The following LIN7A variants were observed in gnomAD, a reference collection of about 807,000 sequenced individuals.
The protein encoded by LIN7A is protein lin-7 homolog A.
A neutral mutation model predicts 29.8 loss-of-function variants in LIN7A; 25 were observed. That is an observed-to-expected ratio of 0.84 (90% confidence interval 0.61 to 1.17). The LOEUF is 1.17. LIN7A is among the 50% of genes most tolerant of loss of function. The pLI is 0.00. For missense variants in LIN7A, 239 were observed against 287.0 expected (o/e 0.83, Z 1.21); for synonymous variants, 118 against 107.5 (o/e 1.10, Z -0.60).
chr12:80,797,883 C>T (rs962979910), intron 5 of LIN7A, among the ~76,000 whole-genome samples, 157 bp from the exon 6 acceptor site: 3 of 152,154 alleles, frequency 2.0e-5, no homozygotes, highest in Admixed American at 1.3e-4. Context: ...TGAAAAAATT[C>T]GTTTGATGTT....
At chr12:80,846,467 C>A (rs970983294) in intron 3 of LIN7A, among the ~76,000 whole-genome samples, 2 of 151,828 alleles carry the variant, frequency 1.3e-5, no homozygotes, top group African/African-American at 4.8e-5. Context: ...TTGCTATTGC[C>A]AACCCAAAAG....
intron 2 of LIN7A, among the ~76,000 whole-genome samples, chr12:80,853,697 A>AT (rs1329972864): frequency 1.9e-4 from 28 of 151,036 alleles, no homozygotes; most frequent in Admixed American, 2.6e-4. Flanking sequence ...GAGAACTAGA[A>AT]TTTTTTTTTC....
intron 2 of LIN7A, among the ~76,000 whole-genome samples, chr12:80,873,204 G>A (rs1874508242): frequency 6.6e-6 from 1 of 152,110 alleles, no homozygotes; most frequent in Non-Finnish European, 1.5e-5. Context: ...GTTCCAGAAA[G>A]GCTAATCCCC....
In LIN7A at chr12:80,836,069, T is replaced by C. The variant is rs189193665; in HGVS notation, c.483+9661A>G. 2.3e-3 allele frequency among the ~76,000 whole-genome samples: 356 copies of C among 152,344 alleles called. 2 individuals are homozygous for C. Among genetic ancestry groups the C allele is most frequent in the African/African-American group, 8.3e-3 (345 of 41,566 alleles). ...AGCCTCAGGATGTATTAGAGACTCT[T>C]GGCATATCATCAGATTTCAGAATTG... On this transcript the variant is annotated intron_variant, in intron 4 of 5. Coordinates refer to ENST00000552864, the MANE Select transcript of LIN7A (RefSeq NM_004664.4).
At chr12:80,913,444 T>G (rs1409230730) in intron 1 of LIN7A, among the ~76,000 whole-genome samples, 1 of 152,168 alleles carries the variant, frequency 6.6e-6, no homozygotes, top group East Asian at 1.9e-4. Flanking sequence ...GTTTACAAGG[T>G]GTAGAAAAAA....
chr12:80,832,621 CT>C, intron 4 of LIN7A: 1 of 463,086 alleles, frequency 2.2e-6, no homozygotes, highest in Admixed American at 2.6e-5. Flanking sequence ...GTCTAGGCTC[CT>C]TATGATGGCT....
chr12:80,862,169 CAG>C (rs1873913634), intron 2 of LIN7A, among the ~76,000 whole-genome samples: 1 of 152,174 alleles, frequency 6.6e-6, no homozygotes, highest in Non-Finnish European at 1.5e-5. Context: ...ACTAACCGAA[CAG>C]AGAGTGAGTC....
intron 4 of LIN7A, among the ~76,000 whole-genome samples, chr12:80,845,098 T>G (rs1360117730): frequency 2.0e-5 from 3 of 151,706 alleles, no homozygotes; most frequent in Admixed American, 6.6e-5. Context: ...TTAACCGGGC[T>G]TGGTGGCGGG....
chr12:80,937,616 C>A (rs755670518), intron 1 of LIN7A, 25 bp downstream of exon 1: 2 of 1,448,116 alleles, frequency 1.4e-6, no homozygotes, highest in East Asian at 2.8e-5. Flanking sequence ...GACGCGGTGG[C>A]CTGGCGAGCG....
chr12:80,803,449 T>A (rs1870815901), intron 5 of LIN7A, among the ~76,000 whole-genome samples: 1 of 152,226 alleles, frequency 6.6e-6, no homozygotes, highest in South Asian at 2.1e-4. Flanking sequence ...ATATGTGGAT[T>A]TATTTCTGGG....
intron 1 of LIN7A, among the ~76,000 whole-genome samples, chr12:80,910,811 T>A (rs573722813): frequency 1.1e-4 from 17 of 152,214 alleles, no homozygotes; most frequent in Non-Finnish European, 2.5e-4. Flanking sequence ...ACTCGTACAT[T>A]CATATCCATG....
intron 1 of LIN7A, among the ~76,000 whole-genome samples, chr12:80,901,164 A>G (rs1179911607): frequency 6.6e-6 from 1 of 152,124 alleles, no homozygotes; most frequent in Non-Finnish European, 1.5e-5. Flanking sequence ...AAATAAAACC[A>G]CTATGTAACA....
At chr12:80,801,622 T>C (rs1315312462) in intron 5 of LIN7A, among the ~76,000 whole-genome samples, 2 of 152,232 alleles carry the variant, frequency 1.3e-5, no homozygotes, top group African/African-American at 4.8e-5. Context: ...GTTTAAAATG[T>C]GAAATGATTA....
At chr12:80,934,843 C>T (rs1019621412) in intron 1 of LIN7A, among the ~76,000 whole-genome samples, 2 of 152,156 alleles carry the variant, frequency 1.3e-5, no homozygotes, top group African/African-American at 4.8e-5. Flanking sequence ...CCTTGGGAGG[C>T]TTTGTCAAGC....
intron 1 of LIN7A, among the ~76,000 whole-genome samples, chr12:80,895,399 T>C (rs1044934930): frequency 2.6e-5 from 4 of 152,228 alleles, no homozygotes; most frequent in Non-Finnish European, 5.9e-5. Flanking sequence ...ATGAACTCGA[T>C]TGACATTTAG....
chr12:80,822,106 C>T (rs1042775519), intron 4 of LIN7A, among the ~76,000 whole-genome samples: 2 of 152,190 alleles, frequency 1.3e-5, no homozygotes, highest in Non-Finnish European at 2.9e-5. Flanking sequence ...GTTTAATTGA[C>T]TCACAGTTCC....
chr12:80,838,149 A>T (rs930884908), intron 4 of LIN7A, among the ~76,000 whole-genome samples: 9 of 152,178 alleles, frequency 5.9e-5, no homozygotes, highest in African/African-American at 2.2e-4. Context: ...CATGTGTGGG[A>T]ATGCTTCCCT....
chr12:80,903,628 T>C (rs919822163), intron 1 of LIN7A, among the ~76,000 whole-genome samples: 2 of 152,146 alleles, frequency 1.3e-5, no homozygotes, highest in Admixed American at 6.5e-5. Flanking sequence ...ATCTTTGCTA[T>C]TGTGTGATAA....
At chr12:80,898,692 C>T (rs1411301151) in intron 1 of LIN7A, among the ~76,000 whole-genome samples, 1 of 152,020 alleles carries the variant, frequency 6.6e-6, no homozygotes, top group Non-Finnish European at 1.5e-5. Context: ...TTGTAAAGAT[C>T]TTTTTGCCTC....
Sources: allele counts gnomAD v4.1 joint callset (sites outside exome capture counted in the v4.1 genomes callset), GRCh38; gene constraint gnomAD v4.1.1; transcripts MANE v1.5; gene names NCBI Gene and HGNC (gene_info 2026-07-23, HGNC 2026-07-21).